The following HOMER1 variants were observed in gnomAD, a reference collection of about 807,000 sequenced individuals.
The protein encoded by HOMER1 is homer scaffold protein 1, also known as homer protein homolog 1.
HOMER1 carries 3 observed loss-of-function variants against 48.9 expected under a neutral mutation model. The ratio of observed to expected loss-of-function variants is 0.06; its 90% CI spans 0.03 to 0.16. HOMER1 has a LOEUF of 0.16. Ranked by LOEUF, HOMER1 falls within the 10% of genes least tolerant of loss-of-function variation. The pLI, the probability that HOMER1 is intolerant of heterozygous loss-of-function variation, is 1.00. For synonymous variants in HOMER1, 134 were observed against 146.4 expected (o/e 0.92, Z 0.61); for missense variants, 247 against 411.4 (o/e 0.60, Z 3.46).
intron 1 of HOMER1, among the ~76,000 whole-genome samples, chr5:79,508,002 C>T (rs1306760861): frequency 6.6e-6 from 1 of 152,224 alleles, no homozygotes; most frequent in Non-Finnish European, 1.5e-5. Flanking sequence ...CCCCTCCCCA[C>T]TTCGGAACCT....
intron 1 of HOMER1, among the ~76,000 whole-genome samples, chr5:79,467,051 A>C (rs142613305): frequency 6.6e-6 from 1 of 151,872 alleles, no homozygotes; most frequent in South Asian, 2.1e-4. Context: ...CGGCCTCCCA[A>C]TGTGCTGGGA....
chr5:79,429,848 C>A (rs1750370840), intron 5 of HOMER1, among the ~76,000 whole-genome samples: 1 of 151,908 alleles, frequency 6.6e-6, no homozygotes, highest in East Asian at 1.9e-4. Context: ...ACGGTGAAAC[C>A]CCGTCTCTAC....
intron 1 of HOMER1, among the ~76,000 whole-genome samples, chr5:79,510,171 T>C (rs1022287469): frequency 1.3e-5 from 2 of 151,490 alleles, no homozygotes; most frequent in African/African-American, 4.8e-5. Context: ...GAAAGGGTCA[T>C]AGCCCCAAAT....
At chr5:79,506,501 G>C (rs1752771564) in intron 1 of HOMER1, among the ~76,000 whole-genome samples, 1 of 152,186 alleles carries the variant, frequency 6.6e-6, no homozygotes. Context: ...TCTTTTAACA[G>C]AGAGTCATTA....
intron 1 of HOMER1, among the ~76,000 whole-genome samples, chr5:79,477,411 A>C (rs1219653660): frequency 6.6e-6 from 1 of 152,124 alleles, no homozygotes; most frequent in Non-Finnish European, 1.5e-5. Context: ...TTCCATGGTA[A>C]TTTGGCCAGC....
chr5:79,399,130 T>C (rs956462809), intron 6 of HOMER1, among the ~76,000 whole-genome samples: 5 of 152,218 alleles, frequency 3.3e-5, no homozygotes, highest in African/African-American at 1.2e-4. Context: ...AACTTTCCTA[T>C]AGGTAACAAT....
At chr5:79,502,184 T>C (rs1752612440) in intron 1 of HOMER1, among the ~76,000 whole-genome samples, 2 of 152,006 alleles carry the variant, frequency 1.3e-5, no homozygotes, top group South Asian at 4.1e-4. Context: ...CACGCCCAGA[T>C]AACTTTTGTA....
rs533296667 is a variant in HOMER1, at chr5:79,461,611, T to C, written c.6-4593A>G. 5.3e-5 allele frequency among the ~76,000 whole-genome samples: 8 copies of C among 152,318 alleles called. No homozygotes were observed. The South Asian group carries it at 1.7e-3, about 32-fold the overall frequency. Reference sequence around the variant, plus strand: ...AAATAATCCAGCATCTGGCAGATTATTTGACCTCAGAACTCTTTCATGTAA... The same window carrying C: ...AAATAATCCAGCATCTGGCAGATTACTTGACCTCAGAACTCTTTCATGTAA... On this transcript the variant is annotated intron_variant, in intron 1 of 8. Transcript: ENST00000334082.
intron 8 of HOMER1, among the ~76,000 whole-genome samples, chr5:79,379,336 TTATA>T (rs1748892049): frequency 9.0e-6 from 1 of 110,886 alleles, no homozygotes; most frequent in South Asian, 2.4e-4. Flanking sequence ...TTATATATAT[TTATA>T]TATTTTATAT....
chr5:79,448,441 A>G (rs1750943616), intron 3 of HOMER1, among the ~76,000 whole-genome samples: 1 of 152,216 alleles, frequency 6.6e-6, no homozygotes, highest in Non-Finnish European at 1.5e-5. Context: ...TAAAAAAGTG[A>G]CAGCTTAGAT....
chr5:79,453,397 C>A (rs533888951), intron 2 of HOMER1, among the ~76,000 whole-genome samples: 2 of 152,180 alleles, frequency 1.3e-5, no homozygotes, highest in Non-Finnish European at 2.9e-5. Context: ...TTAACTATTT[C>A]AAATTAACTT....
intron 1 of HOMER1, among the ~76,000 whole-genome samples, chr5:79,497,801 A>C (rs893307340): frequency 9.9e-5 from 15 of 152,172 alleles, no homozygotes; most frequent in African/African-American, 3.6e-4. Flanking sequence ...TGAATGGACA[A>C]AAGTTTCTCA....
At chr5:79,484,609 C>A (rs1752043898) in intron 1 of HOMER1, among the ~76,000 whole-genome samples, 3 of 151,980 alleles carry the variant, frequency 2.0e-5, no homozygotes, top group Admixed American at 2.0e-4. Context: ...GTATATAAAG[C>A]AACAACCTAT....
chr5:79,456,829 C>A, intron 2 of HOMER1, 33 bp downstream of exon 2: 3 of 1,591,130 alleles, frequency 1.9e-6, no homozygotes, highest in South Asian at 1.1e-5. Context: ...AAAAGCAAAA[C>A]CAGCCAAATC....
chr5:79,464,718 T>C (rs1217148239), intron 1 of HOMER1, among the ~76,000 whole-genome samples: 2 of 152,236 alleles, frequency 1.3e-5, no homozygotes, highest in East Asian at 1.9e-4. Flanking sequence ...CCTGTTTTGA[T>C]GCTGCTCAGA....
intron 4 of HOMER1, among the ~76,000 whole-genome samples, chr5:79,444,075 A>G (rs1750812361): frequency 6.6e-6 from 1 of 152,170 alleles, no homozygotes; most frequent in South Asian, 2.1e-4. Context: ...TGTTTAACCT[A>G]TTATCAATTA....
At chr5:79,453,672 T>A (rs1367959526) in intron 2 of HOMER1, among the ~76,000 whole-genome samples, 1 of 152,148 alleles carries the variant, frequency 6.6e-6, no homozygotes, top group African/African-American at 2.4e-5. Flanking sequence ...CATGTATGGA[T>A]CACACAGTGC....
At chr5:79,458,013 A>G (rs543037496) in intron 1 of HOMER1, among the ~76,000 whole-genome samples, 2 of 152,360 alleles carry the variant, frequency 1.3e-5, no homozygotes, top group East Asian at 1.9e-4. Flanking sequence ...TACATTCACT[A>G]TAATCGCTAC....
Position 79,372,963 on chromosome 5 carries a change from T to G in HOMER1, c.*3046A>C, listed in dbSNP as rs1363228117. On this transcript the variant is annotated 3_prime_UTR_variant, in exon 9 of 9. Transcript: ENST00000334082. ...TTCAATGACAGCAGAACATCAAATC[T>G]ATGATGGTGCTGGAGATCTTCTATA... 1 of 152,246 alleles carries G rather than the reference T, an allele frequency of 6.6e-6. No individual in the cohort carries two copies. The highest frequency in any genetic ancestry group is 2.1e-4 in the South Asian group (1 of 4,820). The allele number at this position is 152,246 out of a possible 1,614,324, so 9.4% of individuals were successfully genotyped here. A position where few individuals can be genotyped will look rare whatever the true frequency, so the allele number is the denominator to read the frequency against.
Sources: gnomAD v4.1 joint callset for allele counts (sites outside exome capture counted in the v4.1 genomes callset) on GRCh38, gnomAD v4.1.1 for gene constraint, MANE v1.5 for transcripts, NCBI Gene and HGNC (gene_info 2026-07-23, HGNC 2026-07-21) for gene names.